The following SSBP2 variants were observed in gnomAD, a reference collection of about 807,000 sequenced individuals.
SSBP2 encodes the protein single-stranded DNA-binding protein 2.
Under a neutral mutation model 61.8 loss-of-function variants are expected in SSBP2, and 17 were observed. That is an observed-to-expected ratio of 0.28 (90% CI 0.19 to 0.41). The LOEUF (loss-of-function observed/expected upper bound fraction) is 0.41, where lower values mean the gene tolerates loss of function less well. Among genes scored for constraint, SSBP2 ranks in the 10% least tolerant of loss-of-function variants. SSBP2 has a pLI of 1.00. For synonymous variants in SSBP2, 139 were observed against 141.3 expected (o/e 0.98, Z 0.12); for missense variants, 310 against 458.7 (o/e 0.68, Z 2.96).
chr5:81,570,797 T>G (rs535038872), intron 4 of SSBP2, among the ~76,000 whole-genome samples: 1 of 152,346 alleles, frequency 6.6e-6, no homozygotes, highest in South Asian at 2.1e-4. Context: ...TCTTAGGTCA[T>G]TACCCCTCCA....
At chr5:81,694,143 G>C (rs538074892) in intron 1 of SSBP2, among the ~76,000 whole-genome samples, 13 of 152,278 alleles carry the variant, frequency 8.5e-5, no homozygotes, top group African/African-American at 3.1e-4. Flanking sequence ...TGAACTCATG[G>C]AGACAGAAAG....
intron 6 of SSBP2, among the ~76,000 whole-genome samples, chr5:81,478,213 G>A (rs1765722485): frequency 3.9e-5 from 6 of 152,070 alleles, no homozygotes; most frequent in Admixed American, 3.9e-4. Flanking sequence ...CCAGGCTGCA[G>A]TGCAGTGGTG....
At chr5:81,687,525 G>C (rs1752907278) in intron 1 of SSBP2, among the ~76,000 whole-genome samples, 1 of 152,204 alleles carries the variant, frequency 6.6e-6, no homozygotes, top group South Asian at 2.1e-4. Flanking sequence ...GTGGCCAAGG[G>C]AGTACTTGTA....
intron 4 of SSBP2, among the ~76,000 whole-genome samples, chr5:81,540,141 A>T (rs1771146100): frequency 6.6e-6 from 1 of 152,092 alleles, no homozygotes; most frequent in Non-Finnish European, 1.5e-5. Flanking sequence ...CCAGTCTATC[A>T]TTGATGGGCA....
chr5:81,432,835 G>A (rs1181606251), intron 15 of SSBP2, among the ~76,000 whole-genome samples: 10 of 148,824 alleles, frequency 6.7e-5, no homozygotes, highest in South Asian at 2.1e-4. Flanking sequence ...CCGGCCAGCC[G>A]CCCCGTCCGG....
intron 4 of SSBP2, among the ~76,000 whole-genome samples, chr5:81,533,108 A>T (rs1266120382): frequency 6.6e-6 from 1 of 151,978 alleles, no homozygotes; most frequent in Non-Finnish European, 1.5e-5. Context: ...TTCTTGAAGC[A>T]TTCACCAAAA....
intron 12 of SSBP2, among the ~76,000 whole-genome samples, chr5:81,444,889 A>G (rs6872793): frequency 0.46 from 69,237 of 151,122 alleles, 19,502 homozygotes; most frequent in African/African-American, 0.8. Flanking sequence ...TTGGGAGGCC[A>G]AGGCAGGTGA....
intron 4 of SSBP2, among the ~76,000 whole-genome samples, chr5:81,560,278 T>C (rs1772943691): frequency 6.6e-6 from 1 of 152,172 alleles, no homozygotes; most frequent in Admixed American, 6.5e-5. Flanking sequence ...AAATATCAAG[T>C]CCTTCAAATT....
intron 4 of SSBP2, among the ~76,000 whole-genome samples, chr5:81,577,423 T>A (rs1261067817): frequency 6.6e-6 from 1 of 151,992 alleles, no homozygotes; most frequent in Non-Finnish European, 1.5e-5. Flanking sequence ...GGAAGAACAT[T>A]TTCTGGGTCT....
chr5:81,536,569 G>A (rs1483118244), intron 4 of SSBP2, among the ~76,000 whole-genome samples: 1 of 152,076 alleles, frequency 6.6e-6, no homozygotes, highest in Non-Finnish European at 1.5e-5. Flanking sequence ...TTTAGCCAAA[G>A]GAGTTGAAAA....
At chr5:81,740,105 TCA>T (rs1474370432) in intron 1 of SSBP2, among the ~76,000 whole-genome samples, 1 of 152,204 alleles carries the variant, frequency 6.6e-6, no homozygotes, top group Admixed American at 6.5e-5. Context: ...TATAATTGAC[TCA>T]GTAAAATTTG....
chr5:81,481,050 C>T (rs1468842080), intron 6 of SSBP2, among the ~76,000 whole-genome samples: 1 of 152,186 alleles, frequency 6.6e-6, no homozygotes, highest in Non-Finnish European at 1.5e-5. Flanking sequence ...CTTCAGGCTT[C>T]ACTTCTAATT....
chr5:81,519,455 C>G (rs1411085723), intron 4 of SSBP2, among the ~76,000 whole-genome samples: 1 of 152,134 alleles, frequency 6.6e-6, no homozygotes, highest in Non-Finnish European at 1.5e-5. Context: ...CTTCTACCAG[C>G]CAGGCACATG....
At chr5:81,686,585 G>A (rs568624247) in intron 1 of SSBP2, among the ~76,000 whole-genome samples, 3 of 151,866 alleles carry the variant, frequency 2.0e-5, no homozygotes, top group African/African-American at 4.8e-5. Flanking sequence ...GGCCGGGCAC[G>A]GTAGCTCATG....
At chr5:81,715,279 T>C (rs1165949810) in intron 1 of SSBP2, among the ~76,000 whole-genome samples, 2 of 152,140 alleles carry the variant, frequency 1.3e-5, no homozygotes, top group Non-Finnish European at 2.9e-5. Flanking sequence ...CTTGAGAATG[T>C]GTTCCACCAA....
intron 1 of SSBP2, among the ~76,000 whole-genome samples, chr5:81,693,834 A>G (rs1220887497): frequency 6.6e-6 from 1 of 152,208 alleles, no homozygotes; most frequent in Non-Finnish European, 1.5e-5. Context: ...CTAGGTATAC[A>G]CCCAAAAGAA....
chr5:81,679,435 A>C (rs1455330860), intron 1 of SSBP2, among the ~76,000 whole-genome samples: 1 of 152,234 alleles, frequency 6.6e-6, no homozygotes, highest in African/African-American at 2.4e-5. Flanking sequence ...AGCAACAATA[A>C]AAGGAATGAG....
intron 1 of SSBP2, among the ~76,000 whole-genome samples, chr5:81,672,763 G>A (rs10064938): frequency 0.053 from 7,986 of 151,770 alleles, 416 homozygotes; most frequent in African/African-American, 0.13. Flanking sequence ...TAGTAGAGAC[G>A]GGATTTCACC....
chr5:81,723,195 A>G (rs1429109364), intron 1 of SSBP2, among the ~76,000 whole-genome samples: 1 of 152,062 alleles, frequency 6.6e-6, no homozygotes, highest in African/African-American at 2.4e-5. Flanking sequence ...ATGAGTAGTT[A>G]GCACTTTCTT....
Sources: allele counts gnomAD v4.1 joint callset (sites outside exome capture counted in the v4.1 genomes callset), GRCh38; gene constraint gnomAD v4.1.1; transcripts MANE v1.5; gene names NCBI Gene and HGNC (gene_info 2026-07-23, HGNC 2026-07-21).